The following MROH2B variants were observed in gnomAD, a reference collection of about 807,000 sequenced individuals.
MROH2B encodes maestro heat like repeat family member 2B, also known as maestro heat-like repeat-containing protein family member 2B.
In MROH2B, 177 loss-of-function variants were observed where a neutral mutation model predicts 208.6. The ratio of observed to expected loss-of-function variants is 0.85; its 90% CI spans 0.75 to 0.96. MROH2B has a LOEUF of 0.96. Among genes scored for constraint, MROH2B ranks in the 40% least tolerant of loss-of-function variants. MROH2B has a pLI of 0.00. For missense variants in MROH2B, 2,002 were observed against 1,878.7 expected (o/e 1.07, Z -1.21); for synonymous variants, 728 against 659.0 (o/e 1.10, Z -1.60).
intron 24 of MROH2B, among the ~76,000 whole-genome samples, chr5:41,025,983 A>G (rs1742344909): frequency 6.6e-6 from 1 of 152,206 alleles, no homozygotes; most frequent in Non-Finnish European, 1.5e-5. Context: ...ACAAAATTCA[A>G]CAGCCCCTCA....
At chr5:41,013,964 A>T (rs1475849029) in intron 29 of MROH2B, among the ~76,000 whole-genome samples, 1 of 152,132 alleles carries the variant, frequency 6.6e-6, no homozygotes. Context: ...TTTGCTCTTA[A>T]CAGTCTATAT....
chr5:41,007,139 G>A (rs1284946390), intron 34 of MROH2B, among the ~76,000 whole-genome samples, 175 bp downstream of exon 34: 2 of 152,114 alleles, frequency 1.3e-5, no homozygotes, highest in African/African-American at 4.8e-5. Flanking sequence ...TGTGTGTGGG[G>A]CTGATCTTAC....
At position 41,048,373 on chromosome 5, in the gene MROH2B, C is replaced by A. The variant is rs1447131866; in HGVS notation, c.1635G>T (p.Leu545Phe). The A allele has an allele frequency of 6.2e-7, 1 of 1,613,578 alleles. No individual in the cohort carries two copies. Among genetic ancestry groups the A allele is most frequent in the Admixed American group, 1.7e-5 (1 of 59,966 alleles). ...GTAAACGTGTTTTCCATAGGTCTACCAATTTTGGGTGAATTATCTCAGGCA... is the reference window on the plus strand; with the variant it reads ...GTAAACGTGTTTTCCATAGGTCTACAAATTTTGGGTGAATTATCTCAGGCA... ...KILPEIIHPKLVDLWKTRLPE... is the reference protein window; with the variant it reads ...KILPEIIHPKFVDLWKTRLPE... The change falls in exon 16 of 42, where the codon TTG becomes TTT. Residue 545 changes from leucine (L) to phenylalanine (F), a missense_variant. Leu to Phe is a conservative substitution (Grantham distance 22). Transcript: ENST00000399564.
At chr5:41,011,415 G>A (rs189204390) in intron 30 of MROH2B, among the ~76,000 whole-genome samples, 65 of 152,116 alleles carry the variant, frequency 4.3e-4, no homozygotes, top group African/African-American at 1.6e-3. Context: ...CAAATATATG[G>A]GCATTCCACA....
At chr5:41,042,068 G>A in intron 19 of MROH2B, 24 bp downstream of exon 19, 1 of 1,360,172 alleles carries the variant, frequency 7.4e-7, no homozygotes, top group Non-Finnish European at 1.0e-6. Flanking sequence ...ATCATAAGAG[G>A]AAATTGAGAG....
chr5:41,067,657 C>A (rs186481883), intron 2 of MROH2B, among the ~76,000 whole-genome samples: 2 of 152,214 alleles, frequency 1.3e-5, no homozygotes, highest in Admixed American at 1.3e-4. Context: ...CATGAGCCAC[C>A]GTGCCTGGCT....
At chr5:41,033,781 TTATCTATCTATCTATC>T (rs368384200) in intron 22 of MROH2B, 41 bp downstream of exon 22, 19 of 770,784 alleles carry the variant, frequency 2.5e-5, no homozygotes, top group South Asian at 1.9e-4. Context: ...CAGGGGGGCA[TTATCTATCTATCTATC>T]TATCTATCTA....
chr5:41,012,690 C>T lies in MROH2B; in HGVS notation c.3028G>A (p.Glu1010Lys). The change falls in exon 30 of 42, where the codon GAG becomes AAG. Residue 1010 changes from glutamate (E) to lysine (K), a missense_variant. By Grantham distance (56) the Glu-to-Lys change is moderately conservative (BLOSUM62 1). Coordinates refer to ENST00000399564, the MANE Select transcript of MROH2B (RefSeq NM_173489.5). ...IPNEEILMFL[E>K]EMLDGLESLN... ...CTCTCCAGACCGTCCAGCATTTCCT[C>T]TAGGAACATCAGAATTTCTTCATTT... The T allele has an allele frequency of 1.2e-6, 2 of 1,613,914 alleles. No homozygotes were observed. Among genetic ancestry groups the T allele is most frequent in the East Asian group, 2.2e-5 (1 of 44,884 alleles).
chr5:41,051,140 C>T, intron 12 of MROH2B, 50 bp from the exon 13 acceptor site: 11 of 1,249,418 alleles, frequency 8.8e-6, no homozygotes, highest in South Asian at 3.6e-5. Flanking sequence ...TAAGGTTGGT[C>T]CCCTCTGACT....
At chr5:41,063,998 A>G (rs531403392) in intron 5 of MROH2B, among the ~76,000 whole-genome samples, 171 of 152,296 alleles carry the variant, frequency 1.1e-3, no homozygotes, top group Non-Finnish European at 1.9e-3. Context: ...TATCATTATT[A>G]CAATATTACA....
intron 5 of MROH2B, among the ~76,000 whole-genome samples, chr5:41,063,442 C>A (rs183173914): frequency 6.6e-6 from 1 of 152,252 alleles, no homozygotes; most frequent in East Asian, 1.9e-4. Flanking sequence ...AAAAATGTTA[C>A]CCATCTCATG....
At chr5:41,031,935 T>G (rs1311366920) in intron 24 of MROH2B, among the ~76,000 whole-genome samples, 1 of 152,172 alleles carries the variant, frequency 6.6e-6, no homozygotes, top group Admixed American at 6.6e-5. Flanking sequence ...TGTAGTATTC[T>G]ATAGTGTAAT....
intron 18 of MROH2B, among the ~76,000 whole-genome samples, chr5:41,043,902 G>C (rs532687210): frequency 6.6e-6 from 1 of 152,182 alleles, no homozygotes; most frequent in East Asian, 1.9e-4. Flanking sequence ...TAGCTTGCTA[G>C]AGTATGAGAG....
intron 21 of MROH2B, 73 bp downstream of exon 21, chr5:41,038,663 C>A (rs1742841697): frequency 1.4e-6 from 2 of 1,442,472 alleles, no homozygotes; most frequent in African/African-American, 2.8e-5. Flanking sequence ...AAAAAAGCTT[C>A]CCAGGGACTG....
chr5:41,038,808 C>T lies in MROH2B; in HGVS notation c.2142G>A (p.Lys714=), dbSNP rs1375667243. 2 of 1,613,636 alleles carry T rather than the reference C, an allele frequency of 1.2e-6. No homozygotes were observed. Among genetic ancestry groups the T allele is most frequent in the Admixed American group, 3.3e-5 (2 of 60,008 alleles). The change falls in exon 21 of 42, where the codon AAG becomes AAA. Residue 714 remains lysine, a synonymous_variant. Transcript: ENST00000399564. ...IYGAVALHAP[K]KQLLSRLNQD... The stretch of plus-strand genomic sequence containing the variant: ...GATTAAGTCTGGAGAGAAGTTGCTT[C>T]TTGGGAGCATGGAGGGCCACTGCTC...
intron 24 of MROH2B, among the ~76,000 whole-genome samples, chr5:41,024,497 T>C (rs1161466999): frequency 6.6e-6 from 1 of 152,214 alleles, no homozygotes; most frequent in African/African-American, 2.4e-5. Context: ...ATCCTAGATA[T>C]ATATGCACCC....
Position 40,998,691 on chromosome 5 carries a change from G to C in MROH2B, c.4586-14C>G. On this transcript the variant is annotated splice_polypyrimidine_tract_variant and intron_variant, in intron 40 of 41. Transcript: ENST00000399564. The stretch of plus-strand genomic sequence containing the variant: ...GAACAACGGCATCTAAAGTTAATAG[G>C]AGACCATGTTACTGATTTCATTATA... 6.4e-7 allele frequency: 1 copy of C among 1,568,450 alleles called. No homozygotes were observed. Among genetic ancestry groups the C allele is most frequent in the Non-Finnish European group, 8.7e-7 (1 of 1,154,032 alleles).
At chr5:41,021,785 G>C (rs1028453480) in intron 24 of MROH2B, among the ~76,000 whole-genome samples, 8 of 152,092 alleles carry the variant, frequency 5.3e-5, no homozygotes, top group African/African-American at 1.9e-4. Flanking sequence ...GCTGAGGAGG[G>C]AGAATCACTT....
At chr5:41,025,507 G>C (rs956240275) in intron 24 of MROH2B, among the ~76,000 whole-genome samples, 1 of 152,094 alleles carries the variant, frequency 6.6e-6, no homozygotes, top group Non-Finnish European at 1.5e-5. Context: ...TCCCTGAATA[G>C]ACCAATAAGA....
Sources: gnomAD v4.1 joint callset for allele counts (sites outside exome capture counted in the v4.1 genomes callset) on GRCh38, gnomAD v4.1.1 for gene constraint, MANE v1.5 for transcripts, NCBI Gene and HGNC (gene_info 2026-07-23, HGNC 2026-07-21) for gene names.